The following NME9 variants were observed in gnomAD, a reference collection of about 807,000 sequenced individuals.
The protein encoded by NME9 is thioredoxin domain-containing protein 6.
NME9 carries 48 observed loss-of-function variants against 44.4 expected under a neutral mutation model. The ratio of observed to expected loss-of-function variants is 1.08; its 90% CI spans 0.86 to 1.37. The LOEUF (loss-of-function observed/expected upper bound fraction) is 1.37, where lower values mean the gene tolerates loss of function less well. NME9 is among the 40% of genes most tolerant of loss of function. NME9 has a pLI of 0.00. For missense variants in NME9, 325 were observed against 405.2 expected, an observed-to-expected ratio of 0.80 and a Z score of 1.70; for synonymous variants, 139 against 147.1, an observed-to-expected ratio of 0.94 and a Z score of 0.40.
At chr3:138,297,040 A>C (rs1417184243), downstream of NME9, 1 of 152,204 alleles carries the variant, frequency 6.6e-6, no homozygotes, top group Non-Finnish European at 1.5e-5. Context: ...GAAACAAAGA[A>C]CAGGATAGTT....
In NME9 at chr3:138,329,554, C is replaced by T. The variant is rs1367263772; in HGVS notation, c.-219G>A. 44 of 1,334,546 alleles carry T rather than the reference C, an allele frequency of 3.3e-5. No individual in the cohort carries two copies. The highest frequency in any genetic ancestry group is 3.6e-5 in the Non-Finnish European group (38 of 1,045,696). 82.7% of individuals were successfully genotyped at this position (1,334,546 alleles called of 1,614,324 possible). A position where few individuals can be genotyped will look rare whatever the true frequency, so the allele number is the denominator to read the frequency against. On this transcript the variant is annotated 5_prime_UTR_variant, in exon 1 of 11. In the 5' UTR this introduces an upstream ATG that the reference lacks. Transcript: ENST00000333911. ...GCGAGGAAGCGGAGCCTGCAGTCCA[C>T]GGGCTCGTGGCTCGCCGGGCGGTTT...
chr3:138,296,136 T>C (rs2051463079), downstream of NME9: 3 of 441,862 alleles, frequency 6.8e-6, no homozygotes, highest in Non-Finnish European at 1.2e-5. Flanking sequence ...TCGGACTCTT[T>C]ATTAGAACAA....
At chr3:138,300,174 A>C (rs1256665094), downstream of NME9, among the ~76,000 whole-genome samples, 3 of 152,124 alleles carry the variant, frequency 2.0e-5, no homozygotes, top group Non-Finnish European at 2.9e-5. Flanking sequence ...ACAGGTTCCG[A>C]TGAGCACTGT....
At chr3:138,322,412 T>C (rs1330089370) in intron 2 of NME9, among the ~76,000 whole-genome samples, 3 of 151,690 alleles carry the variant, frequency 2.0e-5, no homozygotes, top group African/African-American at 7.3e-5. Flanking sequence ...GAGGAAGTGT[T>C]TGATTTGACT....
intron 8 of NME9, among the ~76,000 whole-genome samples, chr3:138,269,121 G>A (rs1020501107): frequency 1.3e-5 from 2 of 152,130 alleles, no homozygotes; most frequent in South Asian, 2.1e-4. Context: ...AAAAACTGGC[G>A]GATCTGGGAA....
rs556647265 is a variant in NME9, at chr3:138,286,288, T to G, written c.745+17219A>C. 3.3e-5 allele frequency among the ~76,000 whole-genome samples: 5 copies of G among 152,196 alleles called. No individual in the cohort carries two copies. The South Asian group carries it at 8.3e-4, about 25-fold the overall frequency. On this transcript the variant is annotated intron_variant, in intron 8 of 8. Transcript: ENST00000317876. ...AAGCATCTTTTCTGTACATACGGCCTCCTCCTCTGCCTCTAAAGTCATTTT... is the reference window on the plus strand; with the variant it reads ...AAGCATCTTTTCTGTACATACGGCCGCCTCCTCTGCCTCTAAAGTCATTTT...
chr3:138,308,969 A>AC (rs869221647), intron 6 of NME9, among the ~76,000 whole-genome samples: 36 of 148,116 alleles, frequency 2.4e-4, no homozygotes, highest in African/African-American at 8.9e-4. Flanking sequence ...AAAAAAAAAA[A>AC]CTGTCATCCA....
chr3:138,273,595 G>T (rs1369028649), intron 8 of NME9, among the ~76,000 whole-genome samples: 2 of 152,248 alleles, frequency 1.3e-5, no homozygotes, highest in Middle Eastern at 6.8e-3. Context: ...CAGAGTAGGA[G>T]AGGCTGAGCC....
intron 8 of NME9, chr3:138,263,378 C>A (rs1022540386): frequency 4.5e-6 from 1 of 220,708 alleles, no homozygotes; most frequent in Non-Finnish European, 9.1e-6. Context: ...TCTTTAGAAC[C>A]TCACTCTGGA....
intron 8 of NME9, among the ~76,000 whole-genome samples, chr3:138,287,356 T>C (rs1577034055): frequency 6.6e-6 from 1 of 152,316 alleles, no homozygotes; most frequent in East Asian, 1.9e-4. Context: ...TTTGCACATC[T>C]GGCACCTTCC....
intron 6 of NME9, among the ~76,000 whole-genome samples, chr3:138,308,945 G>GAAAAAAAAAA (rs1002890235): frequency 7.6e-5 from 4 of 52,884 alleles, no homozygotes; most frequent in African/African-American, 2.0e-4. Flanking sequence ...AATACTGAAA[G>GAAAAAAAAAA]AAAAAAAAAA....
At chr3:138,303,775 A>G (rs1225061312) in intron 9 of NME9, 132 bp from the exon 10 acceptor site, 5 of 781,452 alleles carry the variant, frequency 6.4e-6, no homozygotes, top group African/African-American at 3.5e-5. Context: ...TCTGCAGGAA[A>G]TACCAAGAAC....
chr3:138,294,464 G>T (rs1205602291), intron 8 of NME9, among the ~76,000 whole-genome samples: 1 of 152,142 alleles, frequency 6.6e-6, no homozygotes, highest in Non-Finnish European at 1.5e-5. Context: ...CTCATAACTT[G>T]GAGATAATCT....
At chr3:138,264,523 G>A (rs1232759121) in intron 8 of NME9, among the ~76,000 whole-genome samples, 1 of 142,830 alleles carries the variant, frequency 7.0e-6, no homozygotes, top group African/African-American at 2.6e-5. Flanking sequence ...CGGTTCAAGC[G>A]ATTCTTCTGC....
chr3:138,272,334 A>C (rs1277899661), intron 8 of NME9, among the ~76,000 whole-genome samples: 1 of 152,234 alleles, frequency 6.6e-6, no homozygotes, highest in Non-Finnish European at 1.5e-5. Context: ...CATTTCGTGT[A>C]CAGCAGGCAA....
intron 8 of NME9, chr3:138,264,107 G>C (rs747521703): frequency 6.3e-7 from 1 of 1,599,024 alleles, no homozygotes. Context: ...TTCTTGTGAA[G>C]CTAATTTTGA....
intron 8 of NME9, chr3:138,273,177 G>A: frequency 9.4e-6 from 14 of 1,495,160 alleles, no homozygotes; most frequent in Non-Finnish European, 1.3e-5. Context: ...GCAAGACATT[G>A]CTCTCTCTCT....
chr3:138,299,665 A>G (rs1487608087), downstream of NME9, among the ~76,000 whole-genome samples: 1 of 152,006 alleles, frequency 6.6e-6, no homozygotes. Flanking sequence ...AGGAAGGGGC[A>G]TGTCACCATT....
At chr3:138,327,202 C>T (rs2053853142) in intron 1 of NME9, 1 of 151,334 alleles carries the variant, frequency 6.6e-6, no homozygotes, top group Non-Finnish European at 1.5e-5. Context: ...AAGCATAGTC[C>T]TTACTTTTTT....
Sources: allele counts gnomAD v4.1 joint callset (sites outside exome capture counted in the v4.1 genomes callset), GRCh38; gene constraint gnomAD v4.1.1; transcripts MANE v1.5; gene names NCBI Gene and HGNC (gene_info 2026-07-23, HGNC 2026-07-21).